PXDNL: variants seen among roughly 807,000 people sequenced by gnomAD.
PXDNL encodes the protein probable oxidoreductase PXDNL.
Under a neutral mutation model 150.8 loss-of-function variants are expected in PXDNL, and 145 were observed. The observed-to-expected ratio is 0.96, with a 90% confidence interval of 0.84 to 1.10. PXDNL has a LOEUF of 1.10. Ranked by LOEUF, PXDNL falls within the 50% of genes least tolerant of loss-of-function variation. PXDNL has a pLI of 0.00. For synonymous variants in PXDNL, 757 were observed against 725.7 expected, an observed-to-expected ratio of 1.04 and a Z score of -0.69; for missense variants, 2,087 against 1,873.9, an observed-to-expected ratio of 1.11 and a Z score of -2.10.
intron 8 of PXDNL, among the ~76,000 whole-genome samples, chr8:51,469,105 G>T (rs1357942613): frequency 4.0e-5 from 6 of 151,852 alleles, no homozygotes; most frequent in Non-Finnish European, 7.4e-5. Flanking sequence ...ATTTCACCTT[G>T]TCAGATAATT....
At chr8:51,392,028 T>C (rs1427126132) in intron 17 of PXDNL, among the ~76,000 whole-genome samples, 4 of 152,222 alleles carry the variant, frequency 2.6e-5, no homozygotes, top group Admixed American at 2.0e-4. Flanking sequence ...TTCTCAGGCT[T>C]GTCAAAGATC....
Position 51,475,201 on chromosome 8 carries a change from C to G in PXDNL, c.525-60G>C, listed in dbSNP as rs1360915751. 46 of 1,481,592 alleles carry G rather than the reference C, an allele frequency of 3.1e-5. No individual in the cohort carries two copies. The South Asian group carries it at 3.9e-4, about 13-fold the overall frequency. 91.8% of individuals were successfully genotyped at this position (1,481,592 alleles called of 1,614,324 possible). ...GGGACTATTAATTTCTATGATGAAT[C>G]TTTTGAGTGGTAATATTTAATTTCC... On this transcript the variant is annotated intron_variant, in intron 6 of 22. Transcript: ENST00000356297.
rs150171838 is a variant in PXDNL, at chr8:51,770,181, C to G, written c.164+39000G>C. On this transcript the variant is annotated intron_variant, in intron 1 of 22. Coordinates refer to ENST00000356297, the MANE Select transcript of PXDNL (RefSeq NM_144651.5). The stretch of plus-strand genomic sequence containing the variant: ...AGGAGACAGATTTGAGAGCTGTTCT[C>G]CCATCTCCTCACTTAGCTGCCTTGT... Among the ~76,000 whole-genome samples, 16 of 152,320 alleles carry G rather than the reference C, an allele frequency of 1.1e-4. No homozygotes were observed. In the East Asian group the frequency reaches 3.1e-3, roughly 29 times the overall value.
intron 3 of PXDNL, among the ~76,000 whole-genome samples, chr8:51,580,881 A>T (rs1187048573): frequency 2.6e-5 from 4 of 152,172 alleles, no homozygotes; most frequent in Non-Finnish European, 4.4e-5. Flanking sequence ...CTGTTCATGA[A>T]ATAGATGCAT....
chr8:51,607,395 G>A (rs374456563), intron 2 of PXDNL, among the ~76,000 whole-genome samples: 1 of 152,142 alleles, frequency 6.6e-6, no homozygotes, highest in African/African-American at 2.4e-5. Context: ...AAGGAGGCAC[G>A]AAGCCCAGTT....
rs939132994 is a variant in PXDNL at position 51,527,714 on chromosome 8, G to C, written c.381-27944C>G. 1.3e-4 allele frequency among the ~76,000 whole-genome samples: 20 copies of C among 152,180 alleles called. 1 individual carries two copies. The highest frequency in any genetic ancestry group is 1.2e-3 in the Admixed American group (18 of 15,276). ...ATCCTTATAACCTACATGTAGGAGAGAGAACCATCTGCAGGAGTGTGAAGG... is the reference window on the plus strand; with the variant it reads ...ATCCTTATAACCTACATGTAGGAGACAGAACCATCTGCAGGAGTGTGAAGG... On this transcript the variant is annotated intron_variant, in intron 4 of 22. Coordinates refer to ENST00000356297, the MANE Select transcript of PXDNL (RefSeq NM_144651.5).
At chr8:51,359,260 T>G (rs959801834) in intron 19 of PXDNL, among the ~76,000 whole-genome samples, 1 of 151,732 alleles carries the variant, frequency 6.6e-6, no homozygotes, top group Admixed American at 6.6e-5. Context: ...AAAGAACATC[T>G]GTTTAAAATA....
chr8:51,412,289 T>G (rs1441584213), intron 15 of PXDNL, among the ~76,000 whole-genome samples: 3 of 152,312 alleles, frequency 2.0e-5, no homozygotes, highest in African/African-American at 7.2e-5. Flanking sequence ...CCAGGCACTG[T>G]TGAAGCACTT....
Position 51,584,573 on chromosome 8 carries a change from A to G in PXDNL, c.308+8054T>C, listed in dbSNP as rs568148717. ...ATAAGTGATCTGTTATGTGATCATC[A>G]GAGTCATGCAGCGGGACGTATTTTC... On this transcript the variant is annotated intron_variant, in intron 3 of 22. Transcript: ENST00000356297. 3.3e-5 allele frequency among the ~76,000 whole-genome samples: 5 copies of G among 152,308 alleles called. No individual in the cohort carries two copies. The South Asian group carries it at 1.0e-3, about 32-fold the overall frequency.
At chr8:51,473,386 T>C (rs1281869042) in intron 7 of PXDNL, among the ~76,000 whole-genome samples, 2 of 151,710 alleles carry the variant, frequency 1.3e-5, no homozygotes, top group Non-Finnish European at 2.9e-5. Flanking sequence ...AAAAGGGACC[T>C]GATTCAGTAT....
At chr8:51,409,720 A>AG (rs375964656) in intron 16 of PXDNL, among the ~76,000 whole-genome samples, 159 bp from the exon 17 acceptor site, 224 of 152,118 alleles carry the variant, frequency 1.5e-3, no homozygotes, top group African/African-American at 5.2e-3. Flanking sequence ...TCACAACAAA[A>AG]GGGGGGATCA....
At chr8:51,655,809 C>T (rs1376287093) in intron 1 of PXDNL, among the ~76,000 whole-genome samples, 1 of 152,136 alleles carries the variant, frequency 6.6e-6, no homozygotes, top group East Asian at 1.9e-4. Context: ...AGGGTCACTA[C>T]CTCATCTTGT....
Position 51,409,401 on chromosome 8 carries a change from C to A in PXDNL, c.2223G>T (p.Thr741=). The stretch of plus-strand genomic sequence containing the variant: ...CGAAGGCGGTCAGCGCCGCGCCCCA[C>A]GTGGGCTGCTGCAGGTTGTTGCACG... ...DGTCNNLQQP[T]WGAALTAFAR... is the part of the protein sequence containing the mutation. Residue 741 remains threonine, a synonymous_variant, in exon 17 of 23, where the codon ACG becomes ACT. Coordinates refer to ENST00000356297, the MANE Select transcript of PXDNL (RefSeq NM_144651.5). 3.1e-6 allele frequency: 5 copies of A among 1,609,942 alleles called. No individual in the cohort carries two copies. Among genetic ancestry groups the A allele is most frequent in the Non-Finnish European group, 4.2e-6 (5 of 1,178,718 alleles).
rs527318711 is a variant in PXDNL at position 51,586,556 on chromosome 8, G to A, written c.308+6071C>T. 5.9e-5 allele frequency among the ~76,000 whole-genome samples: 9 copies of A among 152,286 alleles called. No homozygotes were observed. The South Asian group carries it at 1.0e-3, about 18-fold the overall frequency. ...CAGTGAGTGAGAGATTTCAGACCTG[G>A]TGAGAGTTGTGTCCTTCAAGCTTAC... On this transcript the variant is annotated intron_variant, in intron 3 of 22. Transcript: ENST00000356297.
chr8:51,371,011 C>A lies in PXDNL; in HGVS notation c.3901+862G>T, dbSNP rs181529086. Among the ~76,000 whole-genome samples, 19 of 152,316 alleles carry A rather than the reference C, an allele frequency of 1.2e-4. No homozygotes were observed. In the East Asian group the frequency reaches 3.5e-3, roughly 28 times the overall value. Reference sequence around the variant, plus strand: ...TCAGTCCCAGAGAACATCAGAACTCCCAGGCCCATGGCCACTACACGGAGC... The same window carrying A: ...TCAGTCCCAGAGAACATCAGAACTCACAGGCCCATGGCCACTACACGGAGC... On this transcript the variant is annotated intron_variant, in intron 19 of 22. Transcript: ENST00000356297.
At chr8:51,585,448 C>A (rs2130638471) in intron 3 of PXDNL, among the ~76,000 whole-genome samples, 1 of 152,134 alleles carries the variant, frequency 6.6e-6, no homozygotes, top group Non-Finnish European at 1.5e-5. Context: ...AAATGGCACA[C>A]CAGGAACATG....
intron 2 of PXDNL, among the ~76,000 whole-genome samples, chr8:51,605,879 A>G (rs555948938): frequency 6.6e-6 from 1 of 152,324 alleles, no homozygotes; most frequent in African/African-American, 2.4e-5. Context: ...TATAAAAATG[A>G]GCTGTCTGAT....
chr8:51,353,161 T>TTA (rs919540227), intron 19 of PXDNL, among the ~76,000 whole-genome samples: 3 of 150,182 alleles, frequency 2.0e-5, no homozygotes, highest in African/African-American at 7.3e-5. Context: ...TTACTATGTA[T>TTA]TATATATATA....
At chr8:51,635,587 C>A (rs1360663036) in intron 2 of PXDNL, among the ~76,000 whole-genome samples, 2 of 151,834 alleles carry the variant, frequency 1.3e-5, no homozygotes, top group Admixed American at 6.6e-5. Flanking sequence ...TGTACACCAA[C>A]AAATTAGATA....
Sources: gnomAD v4.1 joint callset for allele counts (sites outside exome capture counted in the v4.1 genomes callset) on GRCh38, gnomAD v4.1.1 for gene constraint, MANE v1.5 for transcripts, NCBI Gene and HGNC (gene_info 2026-07-23, HGNC 2026-07-21) for gene names.